Variants in TRAIP observed in about 807,000 individuals in gnomAD.
The protein encoded by TRAIP is E3 ubiquitin-protein ligase TRAIP.
TRAIP carries 37 observed loss-of-function variants against 65.0 expected under a neutral mutation model. The observed-to-expected ratio is 0.57, with a 90% CI of 0.44 to 0.75. The LOEUF is 0.75. Among genes scored for constraint, TRAIP ranks in the 30% least tolerant of loss-of-function variants. The pLI is 0.00. For synonymous variants in TRAIP, 187 were observed against 219.1 expected (o/e 0.85, Z 1.29); for missense variants, 481 against 579.4 (o/e 0.83, Z 1.74).
chr3:49,844,438 G>C (rs997092803), intron 4 of TRAIP, 103 bp downstream of exon 4: 8 of 1,278,020 alleles, frequency 6.3e-6, no homozygotes, highest in Non-Finnish European at 8.9e-6. Flanking sequence ...GCAGGGAAAG[G>C]CCCTGGCTCT....
chr3:49,831,404 C>G (rs1348555244), intron 11 of TRAIP, among the ~76,000 whole-genome samples: 1 of 152,202 alleles, frequency 6.6e-6, no homozygotes, highest in East Asian at 1.9e-4. Context: ...TTTTTCTGGT[C>G]CCACCGTACC....
At chr3:49,848,036 G>A in intron 2 of TRAIP, 107 bp downstream of exon 2, 1 of 1,291,966 alleles carries the variant, frequency 7.7e-7, no homozygotes, top group Non-Finnish European at 1.1e-6. Context: ...AAACCAGGAG[G>A]GTCCAAAAAA....
chr3:49,839,687 C>T lies in TRAIP; in HGVS notation c.884+85G>A, dbSNP rs775054459. 4 of 1,295,220 alleles carry T rather than the reference C, an allele frequency of 3.1e-6. No individual in the cohort carries two copies. In the East Asian group the frequency reaches 7.0e-5, roughly 23 times the overall value. The allele number at this position is 1,295,220 out of a possible 1,614,324, so 80.2% of individuals were successfully genotyped here. A position where few individuals can be genotyped will look rare whatever the true frequency, so the allele number is the denominator to read the frequency against. ...ACATCAGGTCCACAGAGGTCACCCACCCCACCAAAGCCAGGAGGAGTAAAG... is the reference window on the plus strand; with the variant it reads ...ACATCAGGTCCACAGAGGTCACCCATCCCACCAAAGCCAGGAGGAGTAAAG... On this transcript the variant is annotated intron_variant, in intron 10 of 14. Coordinates refer to ENST00000331456, the MANE Select transcript of TRAIP (RefSeq NM_005879.3).
intron 3 of TRAIP, 61 bp downstream of exon 3, chr3:49,847,464 A>G: frequency 1.9e-6 from 2 of 1,078,986 alleles, no homozygotes; most frequent in Non-Finnish European, 2.8e-6. Context: ...AAGAAAAGAA[A>G]AAAGAAAAGT....
At chr3:49,836,087 C>T (rs1032276544) in intron 10 of TRAIP, among the ~76,000 whole-genome samples, 2 of 151,850 alleles carry the variant, frequency 1.3e-5, no homozygotes, top group African/African-American at 2.4e-5. Context: ...ATCAGCCTCC[C>T]AAGTAGCTGG....
At chr3:49,837,369 G>T (rs1003830106) in intron 10 of TRAIP, among the ~76,000 whole-genome samples, 2 of 151,792 alleles carry the variant, frequency 1.3e-5, no homozygotes, top group Non-Finnish European at 2.9e-5. Flanking sequence ...GCTGAGGCAG[G>T]ATCACATCAC....
intron 3 of TRAIP, 103 bp downstream of exon 3, chr3:49,847,422 G>C: frequency 3.8e-6 from 2 of 526,784 alleles, no homozygotes; most frequent in Non-Finnish European, 6.8e-6. Context: ...AAAGAGAAAA[G>C]AGAAGAGAAG....
At position 49,840,972 on chromosome 3, in the gene TRAIP, A is replaced by G. The variant is rs2108315582; in HGVS notation, c.705+13T>C. 1 of 1,613,402 alleles carries G rather than the reference A, an allele frequency of 6.2e-7. No homozygotes were observed. Among genetic ancestry groups the G allele is most frequent in the East Asian group, 2.2e-5 (1 of 44,884 alleles). On this transcript the variant is annotated intron_variant, in intron 8 of 14. Transcript: ENST00000331456. ...GCCACTTCTCCTTCAACCTCTGTTC[A>G]CTGCTAAGTTACCTTGCTTCTGGAG...
intron 1 of TRAIP, among the ~76,000 whole-genome samples, chr3:49,852,800 A>C (rs1380551383): frequency 6.6e-6 from 1 of 151,716 alleles, no homozygotes; most frequent in East Asian, 1.9e-4. Context: ...ACGTTAAAGA[A>C]ATCTAATGAA....
In TRAIP at chr3:49,856,492, T is replaced by C. The variant is rs1159719894; in HGVS notation, c.-39A>G. 22 of 1,584,594 alleles carry C rather than the reference T, an allele frequency of 1.4e-5. No individual in the cohort carries two copies. The highest frequency in any genetic ancestry group is 1.7e-5 in the Non-Finnish European group (20 of 1,157,888). On this transcript the variant is annotated 5_prime_UTR_variant, in exon 1 of 15. Transcript: ENST00000331456. ...AAGGGGCCCAGGCAGCCAAAGAAAC[T>C]GCTACAGGTCCGGCTTCGTAGACGC... is the stretch of plus-strand genomic sequence containing the variant.
chr3:49,842,450 C>A lies in TRAIP; in HGVS notation c.503+3G>T. 1 of 1,613,948 alleles carries A rather than the reference C, an allele frequency of 6.2e-7. No homozygotes were observed. The highest frequency in any genetic ancestry group is 1.1e-5 in the South Asian group (1 of 91,080). On this transcript the variant is annotated splice_donor_region_variant and intron_variant, in intron 6 of 14. Transcript: ENST00000331456. ...ACAGTGCAGGACCCAGCTCCAAACT[C>A]ACTGCTCCATGGTCTTCATCTTGCT...
intron 8 of TRAIP, chr3:49,840,680 T>C (rs2271961): frequency 0.45 from 250,759 of 560,978 alleles, 58,936 homozygotes; most frequent in African/African-American, 0.59. Context: ...AGGCCTCTGA[T>C]GCTGTCACAT....
At chr3:49,854,821 C>T (rs2081958316) in intron 1 of TRAIP, among the ~76,000 whole-genome samples, 1 of 151,700 alleles carries the variant, frequency 6.6e-6, no homozygotes, top group South Asian at 2.1e-4. Flanking sequence ...CTTTGGGAGG[C>T]AGAGGTGGGT....
chr3:49,847,503 G>T lies in TRAIP; in HGVS notation c.240+22C>A, dbSNP rs752254010. 32 of 1,534,340 alleles carry T rather than the reference G, an allele frequency of 2.1e-5. No homozygotes were observed. In the South Asian group the frequency reaches 3.4e-4, roughly 16 times the overall value. On this transcript the variant is annotated intron_variant, in intron 3 of 14. Transcript: ENST00000331456. The stretch of plus-strand genomic sequence containing the variant: ...CTCGCACAAGGCTTGGAGTTCAGTA[G>T]AATCAGATAAATTCTGGGTACCTTT...
rs1012754369 is a variant in TRAIP at position 49,856,384 on chromosome 3, G to A, written c.70C>T (p.His24Tyr). The A allele has an allele frequency of 1.3e-5, 21 of 1,613,990 alleles. No homozygotes were observed. The highest frequency in any genetic ancestry group is 4.0e-5 in the African/African-American group (3 of 74,954). ...TGCAAGTGGAAGGTGTGGCCGCAGT[G>A]GATGGCGGCCACGTCGCGGGAGTGA... is the stretch of plus-strand genomic sequence containing the variant. ...FDHSRDVAAI[H>Y]CGHTFHLQCL... Residue 24 changes from histidine (H) to tyrosine (Y), a missense_variant, in exon 1 of 15, where the codon CAC (histidine) becomes TAC (tyrosine). By Grantham distance (83) the His-to-Tyr change is moderately conservative (BLOSUM62 2). Coordinates refer to ENST00000331456, the MANE Select transcript of TRAIP (RefSeq NM_005879.3).
rs1484217264 is a variant in TRAIP, at chr3:49,831,944, A to T, written c.1009T>A (p.Tyr337Asn). ...ARPSSSQHGY[Y>N]EKLCLEKSHS... The stretch of plus-strand genomic sequence containing the variant: ...GACTTCTCTAGGCAAAGTTTTTCGT[A>T]GTAACCATGCTGGGAGCTGGAGGGC... Residue 337 changes from tyrosine to asparagine, a missense_variant, in exon 11 of 15, where the codon TAC becomes AAC. Physicochemically the swap from Tyr to Asn is moderately radical, Grantham distance 143. Coordinates refer to ENST00000331456, the MANE Select transcript of TRAIP (RefSeq NM_005879.3). 15 of 1,595,088 alleles carry T rather than the reference A, an allele frequency of 9.4e-6. No individual in the cohort carries two copies. The highest frequency in any genetic ancestry group is 1.3e-5 in the Non-Finnish European group (15 of 1,171,014).
chr3:49,845,030 A>G (rs1359496802), intron 3 of TRAIP, among the ~76,000 whole-genome samples: 1 of 152,206 alleles, frequency 6.6e-6, no homozygotes, highest in East Asian at 1.9e-4. Flanking sequence ...GGTCTTCCTG[A>G]TTCATAGTCG....
intron 10 of TRAIP, among the ~76,000 whole-genome samples, chr3:49,833,573 G>A (rs549900011): frequency 7.9e-5 from 12 of 151,478 alleles, no homozygotes; most frequent in East Asian, 3.9e-4. Context: ...TCCGCCTTCC[G>A]GGTTCAAGCC....
At chr3:49,842,954 G>A (rs2081851071) in intron 5 of TRAIP, among the ~76,000 whole-genome samples, 1 of 152,168 alleles carries the variant, frequency 6.6e-6, no homozygotes, top group Non-Finnish European at 1.5e-5. Flanking sequence ...CAGTTGCCAA[G>A]AATGAATAAT....
Sources: gnomAD v4.1 joint callset for allele counts (sites outside exome capture counted in the v4.1 genomes callset) on GRCh38, gnomAD v4.1.1 for gene constraint, MANE v1.5 for transcripts, NCBI Gene and HGNC (gene_info 2026-07-23, HGNC 2026-07-21) for gene names.